Variants in RBFOX1 observed in about 807,000 individuals in gnomAD.
RBFOX1 encodes the protein RNA binding protein fox-1 homolog 1.
RBFOX1 carries 8 observed loss-of-function variants against 57.7 expected under a neutral mutation model. That is an observed-to-expected ratio of 0.14 (90% CI 0.08 to 0.25). The LOEUF (loss-of-function observed/expected upper bound fraction) is 0.25, where lower values mean the gene tolerates loss of function less well. Among genes scored for constraint, RBFOX1 ranks in the 10% least tolerant of loss-of-function variants. The probability of loss-of-function intolerance (pLI) is 1.00; values close to 1 mark genes in which losing one functional copy is unlikely to be tolerated. For synonymous variants in RBFOX1, 326 were observed against 222.4 expected, an observed-to-expected ratio of 1.47 and a Z score of -4.15; for missense variants, 611 against 548.5, an observed-to-expected ratio of 1.11 and a Z score of -1.14.
chr16:6,842,435 C>T (rs934394103), intron 3 of RBFOX1, among the ~76,000 whole-genome samples: 5 of 152,048 alleles, frequency 3.3e-5, no homozygotes, highest in South Asian at 2.1e-4. Flanking sequence ...GGCAACTTTG[C>T]TGACCTTGCT....
At chr16:6,699,388 C>T (rs531099327) in intron 3 of RBFOX1, among the ~76,000 whole-genome samples, 1 of 151,380 alleles carries the variant, frequency 6.6e-6, no homozygotes, top group Non-Finnish European at 1.5e-5. Context: ...ATTTTTTATG[C>T]AAAAGTGGTG....
intron 1 of RBFOX1, among the ~76,000 whole-genome samples, chr16:6,199,743 A>C (rs2097203217): frequency 6.6e-6 from 1 of 152,200 alleles, no homozygotes; most frequent in African/African-American, 2.4e-5. Context: ...ACCAGTAAAG[A>C]AGTAGAACTT....
chr16:7,609,950 T>A (rs1470977639), intron 10 of RBFOX1, among the ~76,000 whole-genome samples: 1 of 151,512 alleles, frequency 6.6e-6, no homozygotes, highest in East Asian at 1.9e-4. Context: ...CCTGAGTAGC[T>A]GGGACTACAG....
At chr16:6,520,869 A>G (rs933110504) in intron 2 of RBFOX1, among the ~76,000 whole-genome samples, 2 of 152,154 alleles carry the variant, frequency 1.3e-5, no homozygotes, top group Admixed American at 1.3e-4. Flanking sequence ...GTCAATAGAA[A>G]GTAGGCAGAC....
chr16:6,754,798 C>T (rs1210513289), intron 3 of RBFOX1, among the ~76,000 whole-genome samples: 1 of 151,966 alleles, frequency 6.6e-6, no homozygotes, highest in South Asian at 2.1e-4. Context: ...TGGTGTGCTC[C>T]ACCCATTAAC....
At position 6,604,774 on chromosome 16, in the gene RBFOX1, A is replaced by T. The variant is rs145335844; in HGVS notation, c.-63-49829A>T. Among the ~76,000 whole-genome samples, 1,419 of 152,268 alleles carry T rather than the reference A, an allele frequency of 9.3e-3. 12 individuals carry two copies. Among genetic ancestry groups the T allele is most frequent in the Admixed American group, 0.018 (269 of 15,282 alleles). On this transcript the variant is annotated intron_variant, in intron 2 of 15. Coordinates refer to ENST00000550418, the MANE Select transcript of RBFOX1 (RefSeq NM_018723.4). ...GAATATATGATTCCAAGATTCTATA[A>T]TTCTTTCTTTCTTACCAATTAATTG...
rs1737620148 is a variant in RBFOX1 at position 5,947,993 on chromosome 16, CA to C, written c.351+80659del. ...TCCCTTTTGACCGTGGCGCTGAGGA[CA>C]TATGTTCATACATTTTCATGGCAGG... On this transcript the variant is annotated intron_variant, in intron 4 of 19. Transcript: ENST00000641259. The surrounding 1 kb of genome is among the most constrained non-coding windows in gnomAD (Gnocchi z 7.2). Among the ~76,000 whole-genome samples the C allele has an allele frequency of 6.6e-6, 1 of 152,176 alleles. No individual in the cohort carries two copies. Among genetic ancestry groups the C allele is most frequent in the South Asian group, 2.1e-4 (1 of 4,834 alleles).
At chr16:5,848,852 G>C (rs2056819954) in intron 3 of RBFOX1, among the ~76,000 whole-genome samples, 1 of 152,094 alleles carries the variant, frequency 6.6e-6, no homozygotes, top group Admixed American at 6.5e-5. Flanking sequence ...GGGAGGCTGA[G>C]GCAGGAGAAT....
In RBFOX1 at chr16:5,856,274, C is replaced by T. The variant is rs867560832; in HGVS notation, c.319-11029C>T. Among the ~76,000 whole-genome samples the T allele has an allele frequency of 5.4e-3, 139 of 25,768 alleles. 9 individuals are homozygous for T. Among genetic ancestry groups the T allele is most frequent in the African/African-American group, 0.024 (123 of 5,234 alleles). 16.9% of individuals were successfully genotyped at this position (25,768 alleles called of 152,430 possible). A position where few individuals can be genotyped will look rare whatever the true frequency, so the allele number is the denominator to read the frequency against. On this transcript the variant is annotated intron_variant, in intron 3 of 19. Coordinates refer to the RBFOX1 transcript ENST00000641259. Reference sequence around the variant, plus strand: ...ATGTATATATATGTATATATATATACACATATATATACACACACACACACA... The same window carrying T: ...ATGTATATATATGTATATATATATATACATATATATACACACACACACACA...
chr16:6,780,946 T>C (rs1466117708), intron 3 of RBFOX1, among the ~76,000 whole-genome samples: 1 of 152,124 alleles, frequency 6.6e-6, no homozygotes, highest in Admixed American at 6.6e-5. Flanking sequence ...TTGTAGGTTG[T>C]CTTATCACTT....
chr16:5,810,717 T>G (rs1167285875), intron 3 of RBFOX1, among the ~76,000 whole-genome samples: 1 of 152,164 alleles, frequency 6.6e-6, no homozygotes, highest in Non-Finnish European at 1.5e-5. Context: ...TTCCATCCCA[T>G]TTGGGACTAA....
intron 4 of RBFOX1, among the ~76,000 whole-genome samples, chr16:7,504,130 C>G (rs1189666299): frequency 1.3e-5 from 2 of 152,040 alleles, no homozygotes; most frequent in African/African-American, 2.4e-5. Context: ...TGGGTTGGTA[C>G]AAATTTCTTC....
In RBFOX1 at chr16:7,213,181, G is replaced by A. The variant is rs369489438; in HGVS notation, c.27+161083G>A. On this transcript the variant is annotated intron_variant, in intron 4 of 15. Transcript: ENST00000550418. ...CCACCTCAAAACACTGTCAGGATCA[G>A]GAGAAATGCAGATTACACGGAACAA... 5.9e-5 allele frequency among the ~76,000 whole-genome samples: 9 copies of A among 152,296 alleles called. No homozygotes were observed. The East Asian group carries it at 1.7e-3, about 29-fold the overall frequency.
intron 3 of RBFOX1, among the ~76,000 whole-genome samples, chr16:6,832,281 C>T (rs935333307): frequency 6.6e-6 from 1 of 152,162 alleles, no homozygotes. Flanking sequence ...CAATTGCTGA[C>T]ATATGTCACA....
Position 6,300,111 on chromosome 16 carries a change from A to G in RBFOX1, c.-126-16884A>G, listed in dbSNP as rs575785653. Among the ~76,000 whole-genome samples, 10 of 152,320 alleles carry G rather than the reference A, an allele frequency of 6.6e-5. No homozygotes were observed. The East Asian group carries it at 1.9e-3, about 29-fold the overall frequency. Reference sequence around the variant, plus strand: ...GGCACAGGGGAACAAATACTGCATTATCTCACTTATATGAGGAATCTAAAA... The same window carrying G: ...GGCACAGGGGAACAAATACTGCATTGTCTCACTTATATGAGGAATCTAAAA... On this transcript the variant is annotated intron_variant, in intron 1 of 15. Coordinates refer to ENST00000550418, the MANE Select transcript of RBFOX1 (RefSeq NM_018723.4).
intron 4 of RBFOX1, among the ~76,000 whole-genome samples, chr16:7,260,842 C>G (rs1405993167): frequency 6.6e-6 from 1 of 152,130 alleles, no homozygotes; most frequent in Admixed American, 6.5e-5. Context: ...ACCCCAGGTG[C>G]AAGAGTTAGG....
intron 4 of RBFOX1, among the ~76,000 whole-genome samples, chr16:7,093,203 G>A (rs958519569): frequency 6.6e-6 from 1 of 152,176 alleles, no homozygotes; most frequent in Non-Finnish European, 1.5e-5. Flanking sequence ...TGGTCACCGT[G>A]TATCTCAGTT....
intron 1 of RBFOX1, among the ~76,000 whole-genome samples, chr16:5,258,056 T>G (rs1330660919): frequency 1.3e-5 from 2 of 152,054 alleles, no homozygotes; most frequent in Admixed American, 6.6e-5. Context: ...TTTGTCTATT[T>G]TTTGTAGAGA....
At chr16:5,783,100 A>G (rs1337815381) in intron 3 of RBFOX1, among the ~76,000 whole-genome samples, 1 of 152,236 alleles carries the variant, frequency 6.6e-6, no homozygotes, top group East Asian at 1.9e-4. Flanking sequence ...AAGCAGACAG[A>G]TAAGATTAAC....
Sources: gnomAD v4.1 joint callset for allele counts (sites outside exome capture counted in the v4.1 genomes callset) on GRCh38, gnomAD v4.1.1 for gene constraint, Gnocchi (gnomAD v3.1) non-coding constraint, MANE v1.5 for transcripts, NCBI Gene and HGNC (gene_info 2026-07-23, HGNC 2026-07-21) for gene names.